The following PPP2R5E variants were observed in gnomAD, a reference collection of about 807,000 sequenced individuals.
PPP2R5E encodes the protein serine/threonine-protein phosphatase 2A 56 kDa regulatory subunit epsilon isoform.
In PPP2R5E, 4 loss-of-function variants were observed where a neutral mutation model predicts 65.3. The ratio of observed to expected loss-of-function variants is 0.06; its 90% confidence interval spans 0.03 to 0.14. The LOEUF (loss-of-function observed/expected upper bound fraction) is 0.14. Among genes scored for constraint, PPP2R5E ranks in the 10% least tolerant of loss-of-function variants. The probability of loss-of-function intolerance (pLI) is 1.00; values close to 1 mark genes in which losing one functional copy is unlikely to be tolerated. For missense variants in PPP2R5E, 274 were observed against 556.1 expected (o/e 0.49, Z 5.10); for synonymous variants, 183 against 187.4 (o/e 0.98, Z 0.19).
intron 2 of PPP2R5E, among the ~76,000 whole-genome samples, chr14:63,493,476 G>C (rs1026515968): frequency 1.5e-5 from 2 of 133,466 alleles, no homozygotes; most frequent in African/African-American, 6.4e-5. Flanking sequence ...CCAAATTACC[G>C]CGCGCGCGTG....
chr14:63,524,958 C>T (rs565798870), intron 2 of PPP2R5E, among the ~76,000 whole-genome samples: 3 of 152,348 alleles, frequency 2.0e-5, no homozygotes, highest in African/African-American at 7.2e-5. Context: ...GCTGTTCTCA[C>T]CTGCACACAT....
intron 2 of PPP2R5E, among the ~76,000 whole-genome samples, chr14:63,512,078 TAAAAAAAAAA>T (rs57623942): frequency 1.5e-4 from 13 of 87,084 alleles, no homozygotes; most frequent in South Asian, 1.2e-3. Flanking sequence ...GACTCTGCGG[TAAAAAAAAAA>T]AAAAAAAAAA....
chr14:63,405,629 G>A (rs760312021), intron 5 of PPP2R5E, among the ~76,000 whole-genome samples: 2 of 152,206 alleles, frequency 1.3e-5, no homozygotes, highest in Non-Finnish European at 2.9e-5. Context: ...TTGCAGAGTA[G>A]TTGAAAGTAA....
intron 2 of PPP2R5E, among the ~76,000 whole-genome samples, chr14:63,488,488 C>T (rs1891111045): frequency 6.6e-6 from 1 of 152,088 alleles, no homozygotes; most frequent in Non-Finnish European, 1.5e-5. Flanking sequence ...CAGGTGTGAG[C>T]CACTGTACCC....
intron 2 of PPP2R5E, among the ~76,000 whole-genome samples, chr14:63,465,450 C>CAAAAAAAAAAA (rs1171345415): frequency 8.4e-5 from 4 of 47,368 alleles, no homozygotes; most frequent in African/African-American, 3.1e-4. Context: ...TCCACCTCTA[C>CAAAAAAAAAAA]AAAAAAAAAA....
chr14:63,420,111 T>A (rs540386857), intron 4 of PPP2R5E, among the ~76,000 whole-genome samples: 2 of 152,184 alleles, frequency 1.3e-5, no homozygotes, highest in Non-Finnish European at 2.9e-5. Flanking sequence ...CATAGAATAT[T>A]CAAAAAGCTC....
At chr14:63,502,253 T>C (rs977620151) in intron 2 of PPP2R5E, among the ~76,000 whole-genome samples, 1 of 152,094 alleles carries the variant, frequency 6.6e-6, no homozygotes, top group Non-Finnish European at 1.5e-5. Context: ...GCACCAGACT[T>C]AGAGGCAGGA....
Position 63,453,850 on chromosome 14 carries a change from T to C in PPP2R5E, c.193A>G (p.Lys65Glu). ...ATGACACAGCACTGCTGAAGTTTCT[T>C]TAGGAACAGTTCAGGCTGCTCTGAG... ...PSSEQPELFL[K>E]KLQQCCVIFD... The change falls in exon 3 of 14, where the codon AAG becomes GAG. Residue 65 changes from lysine to glutamate, a missense_variant. Coordinates refer to ENST00000337537, the MANE Select transcript of PPP2R5E (RefSeq NM_006246.5). 1 of 1,574,866 alleles carries C rather than the reference T, an allele frequency of 6.3e-7. No individual in the cohort carries two copies.
intron 10 of PPP2R5E, among the ~76,000 whole-genome samples, chr14:63,390,798 T>C (rs908531278): frequency 6.6e-6 from 1 of 152,240 alleles, no homozygotes; most frequent in Non-Finnish European, 1.5e-5. Flanking sequence ...CTGATCTTTT[T>C]TTCTGAGCCA....
intron 2 of PPP2R5E, among the ~76,000 whole-genome samples, chr14:63,536,315 A>T (rs558856001): frequency 6.6e-6 from 1 of 152,358 alleles, no homozygotes; most frequent in South Asian, 2.1e-4. Flanking sequence ...CAATGCAAAT[A>T]AAAATCACAC....
At chr14:63,532,963 C>A (rs1893498164) in intron 2 of PPP2R5E, among the ~76,000 whole-genome samples, 1 of 152,138 alleles carries the variant, frequency 6.6e-6, no homozygotes, top group Non-Finnish European at 1.5e-5. Context: ...TTCCAAGTAC[C>A]TAGGACTACA....
At chr14:63,412,921 T>C (rs1886480595) in intron 5 of PPP2R5E, among the ~76,000 whole-genome samples, 1 of 152,174 alleles carries the variant, frequency 6.6e-6, no homozygotes, top group South Asian at 2.1e-4. Context: ...TTCTAAGACC[T>C]GAAAGGTTAT....
At chr14:63,511,664 G>T (rs1416537523) in intron 2 of PPP2R5E, among the ~76,000 whole-genome samples, 1 of 152,194 alleles carries the variant, frequency 6.6e-6, no homozygotes, top group Non-Finnish European at 1.5e-5. Context: ...AACTGACATA[G>T]AATGGGTATG....
chr14:63,482,147 A>G (rs1890735756), intron 2 of PPP2R5E, among the ~76,000 whole-genome samples: 1 of 152,242 alleles, frequency 6.6e-6, no homozygotes, highest in African/African-American at 2.4e-5. Context: ...TTTCAAGCCT[A>G]TATGAGCAAA....
At chr14:63,508,913 C>T (rs527533568) in intron 2 of PPP2R5E, among the ~76,000 whole-genome samples, 7 of 152,334 alleles carry the variant, frequency 4.6e-5, no homozygotes, top group Non-Finnish European at 1.0e-4. Context: ...AATCACATGT[C>T]TCAGCTTTTC....
chr14:63,375,563 A>G lies in PPP2R5E; in HGVS notation c.*446T>C, dbSNP rs960385063. On this transcript the variant is annotated 3_prime_UTR_variant, in exon 14 of 14. Transcript: ENST00000337537. Reference sequence around the variant, plus strand: ...AGAGGAGGATGTTACACAAACTTATAAGGAAATGACAGTCTTTTTTTCTTC... The same window carrying G: ...AGAGGAGGATGTTACACAAACTTATGAGGAAATGACAGTCTTTTTTTCTTC... 9 of 152,848 alleles carry G rather than the reference A, an allele frequency of 5.9e-5. No homozygotes were observed. Among genetic ancestry groups the G allele is most frequent in the African/African-American group, 1.9e-4 (8 of 41,456 alleles). The allele number at this position is 152,848 out of a possible 1,614,324, so 9.5% of individuals were successfully genotyped here.
chr14:63,485,469 C>CA (rs1433486215), intron 2 of PPP2R5E, among the ~76,000 whole-genome samples: 1 of 152,130 alleles, frequency 6.6e-6, no homozygotes, highest in African/African-American at 2.4e-5. Flanking sequence ...GGCTGGAGTG[C>CA]AACAGCACGA....
intron 2 of PPP2R5E, among the ~76,000 whole-genome samples, chr14:63,499,934 T>C (rs1389353508): frequency 6.6e-6 from 1 of 152,216 alleles, no homozygotes; most frequent in Admixed American, 6.5e-5. Context: ...CAGTTTTTTG[T>C]CTGGTATTTC....
intron 2 of PPP2R5E, among the ~76,000 whole-genome samples, 162 bp from the exon 3 acceptor site, chr14:63,454,047 C>G (rs1359827508): frequency 6.6e-6 from 1 of 152,194 alleles, no homozygotes; most frequent in African/African-American, 2.4e-5. Context: ...GATACCGTAT[C>G]TACTACTTCA....
Sources: allele counts gnomAD v4.1 joint callset (sites outside exome capture counted in the v4.1 genomes callset), GRCh38; gene constraint gnomAD v4.1.1; transcripts MANE v1.5; gene names NCBI Gene and HGNC (gene_info 2026-07-23, HGNC 2026-07-21).